Variants in FBLN1 observed in about 807,000 individuals in gnomAD.
The protein encoded by FBLN1 is fibulin 1.
FBLN1 carries 34 observed loss-of-function variants against 89.7 expected under a neutral mutation model. The ratio of observed to expected loss-of-function variants is 0.38; its 90% CI spans 0.29 to 0.50. The LOEUF (loss-of-function observed/expected upper bound fraction) is 0.50, where lower values mean the gene tolerates loss of function less well. Ranked by LOEUF, FBLN1 falls within the 20% of genes least tolerant of loss-of-function variation. FBLN1 has a pLI of 0.92. For synonymous variants in FBLN1, 393 were observed against 391.3 expected (o/e 1.00, Z -0.05); for missense variants, 777 against 988.1 (o/e 0.79, Z 2.86).
chr22:45,592,206 C>T (rs757164510), intron 16 of FBLN1, among the ~76,000 whole-genome samples: 7 of 152,184 alleles, frequency 4.6e-5, no homozygotes, highest in East Asian at 1.9e-4. Context: ...GGGCTGAATG[C>T]GGCTGTGGGC....
At chr22:45,505,553 A>G (rs2088007931) in intron 1 of FBLN1, among the ~76,000 whole-genome samples, 1 of 152,190 alleles carries the variant, frequency 6.6e-6, no homozygotes, top group Non-Finnish European at 1.5e-5. Flanking sequence ...TGTGTAGGGC[A>G]GGAGTAGGGG....
At chr22:45,506,882 GA>G (rs1263192548) in intron 1 of FBLN1, among the ~76,000 whole-genome samples, 1 of 152,240 alleles carries the variant, frequency 6.6e-6, no homozygotes, top group Non-Finnish European at 1.5e-5. Context: ...ACAGTTCTAA[GA>G]GGGCATGTAG....
chr22:45,523,271 C>T, intron 2 of FBLN1: 1 of 678,654 alleles, frequency 1.5e-6, no homozygotes. Context: ...AGGGAGGAAG[C>T]ACCAGATACA....
Position 45,563,611 on chromosome 22 carries a change from AGGT to A in FBLN1, c.1698-10891_1698-10889del, listed in dbSNP as rs2088875773. On this transcript the variant is annotated intron_variant, in intron 14 of 16. Transcript: ENST00000327858. This position sits in a 1 kb window ranked among gnomAD's most constrained non-coding sequence, Gnocchi z 5.7. ...CATTTGTGTTGAACCCAAAGAATAA[AGGT>A]GGTGGTGGAGAAGGGCCCTCAGATT... 1.3e-5 allele frequency among the ~76,000 whole-genome samples: 2 copies of A among 152,292 alleles called. No individual in the cohort carries two copies. Among genetic ancestry groups the A allele is most frequent in the South Asian group, 4.1e-4 (2 of 4,824 alleles).
In FBLN1 at chr22:45,578,644, C is replaced by T. The variant is rs1316238257; in HGVS notation, c.1972+1536C>T. Reference sequence around the variant, plus strand: ...GTTGGGTCAGGGCTTTGTCCTGTCCCACTGGGTGGGTGGGGTATGCACCCT... The same window carrying T: ...GTTGGGTCAGGGCTTTGTCCTGTCCTACTGGGTGGGTGGGGTATGCACCCT... On this transcript the variant is annotated intron_variant, in intron 16 of 16. Coordinates refer to ENST00000327858, the MANE Select transcript of FBLN1 (RefSeq NM_006486.3). The surrounding 1 kb of genome is among the most constrained non-coding windows in gnomAD (Gnocchi z 4.6). Among the ~76,000 whole-genome samples the T allele has an allele frequency of 1.3e-5, 2 of 150,586 alleles. No individual in the cohort carries two copies. Among genetic ancestry groups the T allele is most frequent in the Non-Finnish European group, 3.0e-5 (2 of 67,654 alleles).
At position 45,590,373 on chromosome 22, in the gene FBLN1, G is replaced by A. The variant is rs1232698344; in HGVS notation, c.1973-9934G>A. 1.3e-5 allele frequency among the ~76,000 whole-genome samples: 2 copies of A among 152,210 alleles called. No individual in the cohort carries two copies. Among genetic ancestry groups the A allele is most frequent in the Admixed American group, 6.5e-5 (1 of 15,284 alleles). Reference sequence around the variant, plus strand: ...AAGACTTGAACTCGTCCTGCCCTTCGTGGCCCCCTCACCTTGGGGGATTGC... The same window carrying A: ...AAGACTTGAACTCGTCCTGCCCTTCATGGCCCCCTCACCTTGGGGGATTGC... On this transcript the variant is annotated intron_variant, in intron 16 of 16. Transcript: ENST00000327858. The surrounding 1 kb of genome is among the most constrained non-coding windows in gnomAD (Gnocchi z 4.1).
At chr22:45,525,194 AGAAAG>A (rs1158290641) in intron 2 of FBLN1, among the ~76,000 whole-genome samples, 2 of 143,130 alleles carry the variant, frequency 1.4e-5, no homozygotes, top group African/African-American at 5.0e-5. Flanking sequence ...AGAGAGAGAG[AGAAAG>A]AGAGAAAGAA....
intron 1 of FBLN1, chr22:45,503,410 A>G (rs1267172854): frequency 5.8e-6 from 1 of 172,700 alleles, no homozygotes; most frequent in African/African-American, 2.4e-5. Context: ...GCTGGGGGTT[A>G]CCGAGCCCAG....
intron 2 of FBLN1, among the ~76,000 whole-genome samples, chr22:45,519,348 C>T (rs550935053): frequency 6.6e-6 from 1 of 152,212 alleles, no homozygotes; most frequent in Admixed American, 6.5e-5. Flanking sequence ...AAGCCGGGCG[C>T]GGTGGCTCAC....
At position 45,572,069 on chromosome 22, in the gene FBLN1, C is replaced by T. The variant is rs1376095408; in HGVS notation, c.1698-2442C>T. 1.3e-5 allele frequency among the ~76,000 whole-genome samples: 2 copies of T among 152,160 alleles called. No individual in the cohort carries two copies. The highest frequency in any genetic ancestry group is 3.9e-4 in the East Asian group (2 of 5,168). ...ACTTGAACCCGGGAGGTGGAGGTTG[C>T]AGTGAGCCGATATCGCACCACAGCA... On this transcript the variant is annotated intron_variant, in intron 14 of 16. Transcript: ENST00000327858. The surrounding 1 kb of genome is among the most constrained non-coding windows in gnomAD (Gnocchi z 5.8).
Position 45,581,221 on chromosome 22 carries a change from C to G in FBLN1, c.1972+4113C>G, listed in dbSNP as rs2089039383. Among the ~76,000 whole-genome samples the G allele has an allele frequency of 6.6e-6, 1 of 152,154 alleles. No homozygotes were observed. Among genetic ancestry groups the G allele is most frequent in the Non-Finnish European group, 1.5e-5 (1 of 68,034 alleles). Reference sequence around the variant, plus strand: ...AGACAGAAAGGCAACTCGAGGCCACCCGGGCTCCCCGGGCCCCTGGGCTAT... The same window carrying G: ...AGACAGAAAGGCAACTCGAGGCCACGCGGGCTCCCCGGGCCCCTGGGCTAT... On this transcript the variant is annotated intron_variant, in intron 16 of 16. Transcript: ENST00000327858. The surrounding 1 kb of genome is among the most constrained non-coding windows in gnomAD (Gnocchi z 7.6).
chr22:45,585,988 C>T (rs934290215), intron 16 of FBLN1, among the ~76,000 whole-genome samples: 2 of 151,904 alleles, frequency 1.3e-5, no homozygotes, highest in Non-Finnish European at 2.9e-5. Flanking sequence ...CTCCCTGCAG[C>T]AGCTCCTGGG....
Position 45,530,992 on chromosome 22 carries a change from G to C in FBLN1, c.485-273G>C, listed in dbSNP as rs2088398734. On this transcript the variant is annotated intron_variant, in intron 4 of 16. Transcript: ENST00000327858. This position sits in a 1 kb window ranked among gnomAD's most constrained non-coding sequence, Gnocchi z 5.4. ...TTGGCCAGGATGGTCTTGAACTCCT[G>C]ACCTCAGGTGATCCGCCTGCCTCGG... is the stretch of plus-strand genomic sequence containing the variant. Among the ~76,000 whole-genome samples the C allele has an allele frequency of 6.6e-6, 1 of 152,124 alleles. No individual in the cohort carries two copies. The highest frequency in any genetic ancestry group is 2.4e-5 in the African/African-American group (1 of 41,440).
At chr22:45,544,522 A>T (rs1018410376) in intron 11 of FBLN1, among the ~76,000 whole-genome samples, 2 of 152,232 alleles carry the variant, frequency 1.3e-5, no homozygotes, top group Admixed American at 6.5e-5. Flanking sequence ...TGCACATCTC[A>T]AAGGGACAGA....
At chr22:45,514,914 G>A (rs1185942303) in intron 1 of FBLN1, among the ~76,000 whole-genome samples, 1 of 152,194 alleles carries the variant, frequency 6.6e-6, no homozygotes, top group Non-Finnish European at 1.5e-5. Flanking sequence ...GCAGGAGGGC[G>A]TGGGGGCCTC....
intron 8 of FBLN1, among the ~76,000 whole-genome samples, chr22:45,539,824 CTGT>C (rs995318794): frequency 1.3e-5 from 2 of 152,212 alleles, no homozygotes; most frequent in African/African-American, 4.8e-5. Flanking sequence ...CTGAGGGACA[CTGT>C]TGTTCTGTGG....
At chr22:45,567,083 G>A (rs541685316) in intron 14 of FBLN1, among the ~76,000 whole-genome samples, 2 of 152,364 alleles carry the variant, frequency 1.3e-5, no homozygotes, top group Admixed American at 1.3e-4. Context: ...CTGGTTTCCA[G>A]TGGCACTGGG....
At position 45,574,566 on chromosome 22, in the gene FBLN1, G is replaced by A. The variant is rs755919374; in HGVS notation, c.1753G>A (p.Asp585Asn). 1.8e-5 allele frequency: 29 copies of A among 1,614,030 alleles called. No homozygotes were observed. The highest frequency in any genetic ancestry group is 1.9e-5 in the Non-Finnish European group (22 of 1,180,034). ...CTGCATCAAGTCCTGCCGCCCCAAC[G>A]ATGTCACATGCGTGTTCGACCCCGT... ...VRCIKSCRPN[D>N]VTCVFDPVHT... Residue 585 changes from aspartate to asparagine, a missense_variant, in exon 15 of 17, where the codon GAT (aspartate) becomes AAT (asparagine). Asp to Asn is a conservative substitution (Grantham distance 23, BLOSUM62 1). Transcript: ENST00000327858. The surrounding 1 kb of genome is among the most constrained non-coding windows in gnomAD (Gnocchi z 4.1).
Position 45,562,851 on chromosome 22 carries a change from T to C in FBLN1, c.1698-11660T>C. 6.5e-7 allele frequency: 1 copy of C among 1,545,974 alleles called. No homozygotes were observed. The highest frequency in any genetic ancestry group is 8.9e-7 in the Non-Finnish European group (1 of 1,126,458). On this transcript the variant is annotated intron_variant, in intron 14 of 16. Coordinates refer to ENST00000327858, the MANE Select transcript of FBLN1 (RefSeq NM_006486.3). This position sits in a 1 kb window ranked among gnomAD's most constrained non-coding sequence, Gnocchi z 7.8. ...GCCCCGCATCCCCGCGCTCTGCCGTTTCTCCGCTTGCTGGACCGGCCCTAA... is the reference window on the plus strand; with the variant it reads ...GCCCCGCATCCCCGCGCTCTGCCGTCTCTCCGCTTGCTGGACCGGCCCTAA...
Sources: allele counts gnomAD v4.1 joint callset (sites outside exome capture counted in the v4.1 genomes callset), GRCh38; gene constraint gnomAD v4.1.1; non-coding constraint Gnocchi (gnomAD v3.1); transcripts MANE v1.5; gene names NCBI Gene and HGNC (gene_info 2026-07-23, HGNC 2026-07-21).